Variants in MACROD1 observed in about 807,000 individuals in gnomAD.
MACROD1 encodes the protein mono-ADP ribosylhydrolase 1.
MACROD1 carries 31 observed loss-of-function variants against 41.4 expected under a neutral mutation model. The observed-to-expected ratio is 0.75, with a 90% CI of 0.56 to 1.01. The LOEUF (loss-of-function observed/expected upper bound fraction) is 1.01. Ranked by LOEUF, MACROD1 falls within the 50% of genes least tolerant of loss-of-function variation. The pLI is 0.00. For missense variants in MACROD1, 473 were observed against 460.0 expected (o/e 1.03, Z -0.26); for synonymous variants, 252 against 203.4 (o/e 1.24, Z -2.03).
At chr11:64,144,678 A>AT (rs1460423173) in intron 3 of MACROD1, among the ~76,000 whole-genome samples, 1 of 152,092 alleles carries the variant, frequency 6.6e-6, no homozygotes, top group Non-Finnish European at 1.5e-5. Flanking sequence ...GGCCAGGCCC[A>AT]TGTTGCTAAC....
chr11:64,035,502 G>A (rs1943356265), intron 3 of MACROD1, among the ~76,000 whole-genome samples: 1 of 151,764 alleles, frequency 6.6e-6, no homozygotes, highest in African/African-American at 2.4e-5. Context: ...TTTCTCCCCC[G>A]CCTCCACGGT....
chr11:64,130,711 G>A (rs550795271), intron 3 of MACROD1, among the ~76,000 whole-genome samples: 26 of 151,934 alleles, frequency 1.7e-4, no homozygotes, highest in Non-Finnish European at 2.9e-4. Flanking sequence ...CTGCCTCCCC[G>A]CCGCCGCACC....
At chr11:64,093,618 G>C (rs555359036) in intron 3 of MACROD1, among the ~76,000 whole-genome samples, 1 of 152,194 alleles carries the variant, frequency 6.6e-6, no homozygotes, top group African/African-American at 2.4e-5. Flanking sequence ...AGAACAGGTC[G>C]GTCTTCCTTC....
intron 3 of MACROD1, among the ~76,000 whole-genome samples, chr11:64,108,683 A>C (rs925966894): frequency 6.6e-6 from 1 of 152,150 alleles, no homozygotes; most frequent in African/African-American, 2.4e-5. Context: ...GGGCTGAGAA[A>C]CTGCTTCTGC....
At position 64,064,735 on chromosome 11, in the gene MACROD1, A is replaced by G. The variant is rs1943965592; in HGVS notation, c.518-49454T>C. Among the ~76,000 whole-genome samples, 1 of 150,964 alleles carries G rather than the reference A, an allele frequency of 6.6e-6. No individual in the cohort carries two copies. The highest frequency in any genetic ancestry group is 1.5e-5 in the Non-Finnish European group (1 of 67,602). Reference sequence around the variant, plus strand: ...CCTCTCCCCTCCCTGCCAGCCCCCCAGCAGGCAGCCAGGCCTGGACCCACC... The same window carrying G: ...CCTCTCCCCTCCCTGCCAGCCCCCCGGCAGGCAGCCAGGCCTGGACCCACC... On this transcript the variant is annotated intron_variant, in intron 3 of 10. Transcript: ENST00000255681. The surrounding 1 kb of genome is among the most constrained non-coding windows in gnomAD (Gnocchi z 4.5).
At chr11:64,144,085 C>G (rs550650724) in intron 3 of MACROD1, among the ~76,000 whole-genome samples, 5 of 151,284 alleles carry the variant, frequency 3.3e-5, no homozygotes. Context: ...CTGACCAAGC[C>G]CCCCCAACTC....
chr11:64,022,173 G>A (rs1759084436), intron 3 of MACROD1, among the ~76,000 whole-genome samples: 1 of 151,992 alleles, frequency 6.6e-6, no homozygotes, highest in Non-Finnish European at 1.5e-5. Context: ...GGAGCTGCTG[G>A]GGGGTTTAGA....
intron 3 of MACROD1, among the ~76,000 whole-genome samples, chr11:64,125,530 T>C (rs1565248584): frequency 6.6e-6 from 1 of 152,190 alleles, no homozygotes; most frequent in Non-Finnish European, 1.5e-5. Context: ...GGCACGAGTG[T>C]TGGCAACAAA....
Position 64,152,396 on chromosome 11 carries a change from G to A in MACROD1, c.299-3C>T. The A allele has an allele frequency of 6.2e-7, 1 of 1,612,804 alleles. No homozygotes were observed. The highest frequency in any genetic ancestry group is 8.5e-7 in the Non-Finnish European group (1 of 1,178,728). On this transcript the variant is annotated splice_polypyrimidine_tract_variant and splice_region_variant and intron_variant, in intron 1 of 10. Transcript: ENST00000255681. ...GTCACTCAGGCCCTTCAGAAAGGCT[G>A]CAGAGGCAGGAAGGAGGATCAGGGT...
At chr11:64,149,533 G>A (rs1423777911) in intron 3 of MACROD1, among the ~76,000 whole-genome samples, 3 of 152,184 alleles carry the variant, frequency 2.0e-5, no homozygotes, top group East Asian at 1.9e-4. Context: ...AGCCTCCGGA[G>A]CGCCCCCATT....
intron 3 of MACROD1, among the ~76,000 whole-genome samples, chr11:64,025,002 A>G (rs1943206790): frequency 6.6e-6 from 1 of 152,056 alleles, no homozygotes. Flanking sequence ...TTTGAGACAG[A>G]GTCTCACTCT....
chr11:64,093,975 G>A (rs1407941546), intron 3 of MACROD1, among the ~76,000 whole-genome samples: 1 of 152,218 alleles, frequency 6.6e-6, no homozygotes, highest in Non-Finnish European at 1.5e-5. Context: ...AGAAAGCACG[G>A]TGCCAGGGGA....
At chr11:64,053,891 G>T (rs1199383351) in intron 3 of MACROD1, among the ~76,000 whole-genome samples, 1 of 152,112 alleles carries the variant, frequency 6.6e-6, no homozygotes, top group East Asian at 1.9e-4. Flanking sequence ...CGCATACCCG[G>T]TTGCTTCCGT....
intron 4 of MACROD1, among the ~76,000 whole-genome samples, chr11:64,010,502 G>GGTGTTGGTTGGT (rs559410540): frequency 6.8e-6 from 1 of 147,826 alleles, no homozygotes; most frequent in Non-Finnish European, 1.5e-5. Flanking sequence ...TGTTGGTTGG[G>GGTGTTGGTTGGT]GTGTTGGTTG....
chr11:64,040,259 G>A (rs1197147022), intron 3 of MACROD1, among the ~76,000 whole-genome samples: 1 of 152,164 alleles, frequency 6.6e-6, no homozygotes, highest in Non-Finnish European at 1.5e-5. Flanking sequence ...GGCCTGCTGA[G>A]GGGTGGGATT....
At chr11:64,123,741 GCTTC>G (rs2134640232) in intron 3 of MACROD1, among the ~76,000 whole-genome samples, 1 of 152,260 alleles carries the variant, frequency 6.6e-6, no homozygotes, top group East Asian at 1.9e-4. Context: ...GGGCTTTTCT[GCTTC>G]CTTTCTGTTC....
intron 3 of MACROD1, among the ~76,000 whole-genome samples, chr11:64,128,643 A>G (rs1945221573): frequency 7.5e-6 from 1 of 133,844 alleles, no homozygotes; most frequent in Non-Finnish European, 1.6e-5. Flanking sequence ...CTCAGACTCC[A>G]GCCTCAGTGC....
chr11:64,125,704 T>C (rs1240716977), intron 3 of MACROD1, among the ~76,000 whole-genome samples: 1 of 152,204 alleles, frequency 6.6e-6, no homozygotes, highest in South Asian at 2.1e-4. Context: ...AGAGATCCGG[T>C]GGCTGCCCCA....
chr11:64,124,879 C>T (rs1945154787), intron 3 of MACROD1, among the ~76,000 whole-genome samples: 1 of 152,176 alleles, frequency 6.6e-6, no homozygotes, highest in Admixed American at 6.5e-5. Context: ...AGGGTTTCTC[C>T]ATGTTGCTCA....
Sources: allele counts gnomAD v4.1 joint callset (sites outside exome capture counted in the v4.1 genomes callset), GRCh38; gene constraint gnomAD v4.1.1; non-coding constraint Gnocchi (gnomAD v3.1); transcripts MANE v1.5; gene names NCBI Gene and HGNC (gene_info 2026-07-23, HGNC 2026-07-21).